PER2: variants seen among roughly 807,000 people sequenced by gnomAD.
The protein encoded by PER2 is period circadian protein homolog 2.
PER2 carries 66 observed loss-of-function variants against 121.0 expected under a neutral mutation model. The observed-to-expected ratio is 0.55, with a 90% confidence interval of 0.45 to 0.67. PER2 has a LOEUF of 0.67. Ranked by LOEUF, PER2 falls within the 30% of genes least tolerant of loss-of-function variation. PER2 has a pLI of 0.00. For synonymous variants in PER2, 684 were observed against 659.9 expected (o/e 1.04, Z -0.56); for missense variants, 1,521 against 1,635.0 (o/e 0.93, Z 1.20).
intron 6 of PER2, among the ~76,000 whole-genome samples, chr2:238,269,873 CGGA>C (rs1159745295): frequency 6.6e-6 from 1 of 152,262 alleles, no homozygotes; most frequent in Non-Finnish European, 1.5e-5. Context: ...GGGAAGGCCT[CGGA>C]GATTTCATCT....
intron 8 of PER2, 63 bp from the exon 9 acceptor site, chr2:238,265,653 A>G: frequency 1.9e-6 from 2 of 1,026,866 alleles, no homozygotes; most frequent in Non-Finnish European, 3.1e-6. Flanking sequence ...ATGTTATATT[A>G]AAACTACCAG....
intron 4 of PER2, among the ~76,000 whole-genome samples, chr2:238,273,443 T>C (rs1255678141): frequency 6.6e-6 from 1 of 152,140 alleles, no homozygotes; most frequent in African/African-American, 2.4e-5. Flanking sequence ...AACTACATTA[T>C]TTAAGGTAAT....
upstream of PER2, chr2:238,289,108 T>C (rs552759277): frequency 5.3e-4 from 80 of 152,262 alleles, no homozygotes; most frequent in African/African-American, 1.7e-3. Flanking sequence ...GCGCGTACCA[T>C]TGCGGGCGGG....
intron 1 of PER2, among the ~76,000 whole-genome samples, chr2:238,282,528 G>A (rs530074853): frequency 2.0e-5 from 3 of 152,366 alleles, no homozygotes; most frequent in South Asian, 2.1e-4. Context: ...AAGGATAGAG[G>A]CCAGAAAGAC....
At chr2:238,288,114 T>C (rs1696843651) in intron 1 of PER2, among the ~76,000 whole-genome samples, 1 of 152,100 alleles carries the variant, frequency 6.6e-6, no homozygotes, top group Non-Finnish European at 1.5e-5. Context: ...GAAAAGCTCC[T>C]AGATCAGCGC....
chr2:238,280,426 C>T (rs1696595940), intron 1 of PER2, among the ~76,000 whole-genome samples: 1 of 152,212 alleles, frequency 6.6e-6, no homozygotes, highest in African/African-American at 2.4e-5. Flanking sequence ...ACAGCAAAGA[C>T]AACTGAACAC....
At chr2:238,295,176 A>T in the PER2 span, among the ~76,000 whole-genome samples, 1 of 151,870 alleles carries the variant, frequency 6.6e-6, no homozygotes, top group South Asian at 2.1e-4. Flanking sequence ...TTGTCCCTAA[A>T]CGGAGTCTTG....
chr2:238,261,246 G>A (rs949863755), intron 12 of PER2, among the ~76,000 whole-genome samples: 1 of 152,214 alleles, frequency 6.6e-6, no homozygotes, highest in African/African-American at 2.4e-5. Flanking sequence ...TCTGTGGATG[G>A]GTTTAAAACA....
Position 238,275,738 on chromosome 2 carries a change from C to T in PER2, c.448+5G>A, listed in dbSNP as rs1249985019. On this transcript the variant is annotated splice_donor_5th_base_variant and intron_variant, in intron 4 of 22. Transcript: ENST00000254657. ...GTTTGGAGCAGATGTGCGAGGCCGACGTACCTTTCACCTGCTTCACGCTCC... is the reference window on the plus strand; with the variant it reads ...GTTTGGAGCAGATGTGCGAGGCCGATGTACCTTTCACCTGCTTCACGCTCC... 9 of 1,613,452 alleles carry T rather than the reference C, an allele frequency of 5.6e-6. No individual in the cohort carries two copies. Among genetic ancestry groups the T allele is most frequent in the Non-Finnish European group, 7.6e-6 (9 of 1,179,708 alleles).
chr2:238,261,933 C>T, intron 11 of PER2, 96 bp from the exon 12 acceptor site: 4 of 863,872 alleles, frequency 4.6e-6, no homozygotes, highest in Non-Finnish European at 7.4e-6. Flanking sequence ...CCTGGGTGGG[C>T]CCTCTGCCTC....
At chr2:238,262,368 C>T (rs965056208) in intron 10 of PER2, 24 bp from the exon 11 acceptor site, 2 of 1,613,320 alleles carry the variant, frequency 1.2e-6, no homozygotes, top group Non-Finnish European at 1.7e-6. Flanking sequence ...AGCCAGCATT[C>T]AGGGGAAAAG....
chr2:238,248,925 G>T (rs764995818), intron 22 of PER2, 137 bp downstream of exon 22: 3 of 916,896 alleles, frequency 3.3e-6, no homozygotes, highest in African/African-American at 3.2e-5. Flanking sequence ...AAAGTGCTGG[G>T]ATTACAGGCG....
In PER2 at chr2:238,256,987, G is replaced by A. The variant is rs758004611; in HGVS notation, c.2000C>T (p.Thr667Ile). 1.2e-6 allele frequency: 2 copies of A among 1,613,832 alleles called. No homozygotes were observed. Among genetic ancestry groups the A allele is most frequent in the Admixed American group, 3.3e-5 (2 of 60,008 alleles). The change falls in exon 17 of 23, where the codon ACC becomes ATC. Residue 667 changes from threonine to isoleucine, a missense_variant. Transcript: ENST00000254657. ...PGKAESVASL[T>I]SQCSYSSTIV... Reference sequence around the variant, plus strand: ...GGTGCTGCTGTAGCTGCACTGGCTGGTGAGCGACGCCACACTCTCTGCCTT... The same window carrying A: ...GGTGCTGCTGTAGCTGCACTGGCTGATGAGCGACGCCACACTCTCTGCCTT...
Position 238,256,923 on chromosome 2 carries a change from T to C in PER2, c.2064A>G (p.Leu688=). ...TGATCCAAGAGCCCATAGTCATACC[T>C]AACTCCGGCTGCGGCTTCTTGTCTC... ...HVGDKKPQPE[L]EMVEDAASGP... Residue 688 remains leucine, a splice_region_variant and synonymous_variant, in exon 17 of 23, where the codon TTA becomes TTG. Coordinates refer to ENST00000254657, the MANE Select transcript of PER2 (RefSeq NM_022817.3). 7 of 1,614,010 alleles carry C rather than the reference T, an allele frequency of 4.3e-6. No individual in the cohort carries two copies. In the East Asian group the frequency reaches 1.1e-4, roughly 26 times the overall value.
intron 1 of PER2, among the ~76,000 whole-genome samples, chr2:238,283,945 G>T (rs73088959): frequency 0.018 from 2,728 of 152,220 alleles, 97 homozygotes; most frequent in African/African-American, 0.064. Context: ...CACAGGTCCT[G>T]GGTGGCCTGG....
upstream of PER2, among the ~76,000 whole-genome samples, chr2:238,293,477 GA>G (rs1696996171): frequency 6.6e-6 from 1 of 152,140 alleles, no homozygotes; most frequent in Non-Finnish European, 1.5e-5. Context: ...AGGCCATTAA[GA>G]AAAACCAAGG....
chr2:238,286,515 G>A (rs900424105), intron 1 of PER2, among the ~76,000 whole-genome samples: 2 of 152,112 alleles, frequency 1.3e-5, no homozygotes, highest in Non-Finnish European at 2.9e-5. Flanking sequence ...GGGGGAGTGC[G>A]TGGGCTGGGG....
chr2:238,280,509 T>A (rs1208847543), intron 1 of PER2, among the ~76,000 whole-genome samples: 1 of 152,188 alleles, frequency 6.6e-6, no homozygotes, highest in Non-Finnish European at 1.5e-5. Flanking sequence ...CAAGAAATGA[T>A]GGATTCAATG....
At position 238,246,532 on chromosome 2, in the gene PER2, G is replaced by GAA; in HGVS notation, c.3619-10_3619-9dup. On this transcript the variant is annotated splice_polypyrimidine_tract_variant and intron_variant, in intron 22 of 22. Transcript: ENST00000254657. ...TTCACAGTAAACACATTCCTTAAAA[G>GAA]AAAAAAAAAGAGAAATCAGTAACAA... 5.3e-6 allele frequency: 8 copies of GAA among 1,503,396 alleles called. No individual in the cohort carries two copies. The highest frequency in any genetic ancestry group is 7.3e-6 in the Non-Finnish European group (8 of 1,090,218). 93.1% of individuals were successfully genotyped at this position (1,503,396 alleles called of 1,614,324 possible).
Sources: allele counts gnomAD v4.1 joint callset (sites outside exome capture counted in the v4.1 genomes callset), GRCh38; gene constraint gnomAD v4.1.1; transcripts MANE v1.5; gene names NCBI Gene and HGNC (gene_info 2026-07-23, HGNC 2026-07-21).